Variants in PCDHA6 observed in about 807,000 individuals in gnomAD.
PCDHA6 encodes the protein protocadherin alpha 6.
In PCDHA6, 55 loss-of-function variants were observed where a neutral mutation model predicts 60.3. The ratio of observed to expected loss-of-function variants is 0.91; its 90% CI spans 0.73 to 1.14. The LOEUF is 1.14. Among genes scored for constraint, PCDHA6 ranks in the 50% most tolerant of loss-of-function variants. PCDHA6 has a pLI of 0.00. For synonymous variants in PCDHA6, 652 were observed against 557.9 expected (o/e 1.17, Z -2.38); for missense variants, 1,327 against 1,256.5 (o/e 1.06, Z -0.85).
chr5:140,961,982 C>T (rs1367678374), intron 1 of PCDHA6, among the ~76,000 whole-genome samples: 2 of 151,650 alleles, frequency 1.3e-5, no homozygotes, highest in African/African-American at 4.9e-5. Context: ...CTCCTGGGTT[C>T]ACGCCATTGT....
rs2150304405 is a variant in PCDHA6, at chr5:140,840,185, G to A, written c.2394+9700G>A. On this transcript the variant is annotated intron_variant, in intron 1 of 3. Transcript: ENST00000529310. The stretch of plus-strand genomic sequence containing the variant: ...GGGATGTATACAAATTTTAAATATG[G>A]TAGGCAAAGGAAAAGAAGTCATAAA... 1.2e-3 allele frequency among the ~76,000 whole-genome samples: 185 copies of A among 152,064 alleles called. 3 individuals carry two copies. The highest frequency in any genetic ancestry group is 4.4e-3 in the African/African-American group (182 of 41,478).
rs782257127 is a variant in PCDHA6, at chr5:140,870,719, C to G, written c.2394+40234C>G. On this transcript the variant is annotated intron_variant, in intron 1 of 3. Coordinates refer to ENST00000529310, the MANE Select transcript of PCDHA6 (RefSeq NM_018909.4). ...CAGTTCCAGGTGAGCGCGCGCGATG[C>G]GGGCGTGCCGCCTCTGAGCAGCAAC... 3.7e-6 allele frequency: 6 copies of G among 1,612,966 alleles called. No homozygotes were observed. In the African/African-American group the frequency reaches 4.0e-5, roughly 11 times the overall value.
chr5:140,977,876 G>A (rs1425308379), intron 1 of PCDHA6, among the ~76,000 whole-genome samples: 3 of 152,190 alleles, frequency 2.0e-5, no homozygotes, highest in Non-Finnish European at 2.9e-5. Flanking sequence ...TAAGTATAAT[G>A]TAGAGGAAAA....
intron 3 of PCDHA6, among the ~76,000 whole-genome samples, chr5:140,999,986 G>A (rs2097887000): frequency 6.6e-6 from 1 of 151,990 alleles, no homozygotes; most frequent in African/African-American, 2.4e-5. Context: ...GCGGCCTCTG[G>A]GTAGTGGTAT....
Position 140,853,221 on chromosome 5 carries a change from G to A in PCDHA6, c.2394+22736G>A, listed in dbSNP as rs1021063668. 12 of 983,626 alleles carry A rather than the reference G, an allele frequency of 1.2e-5. 1 individual carries two copies. The highest frequency in any genetic ancestry group is 1.5e-5 in the Non-Finnish European group (12 of 816,248). The allele number at this position is 983,626 out of a possible 1,614,324, so 60.9% of individuals were successfully genotyped here. A position where few individuals can be genotyped will look rare whatever the true frequency, so the allele number is the denominator to read the frequency against. On this transcript the variant is annotated intron_variant, in intron 1 of 3. Transcript: ENST00000529310. ...TATTGACGGCTGTATTGATGGGATT[G>A]GTAATTTAGTCCTTCATATTAATCT...
intron 1 of PCDHA6, chr5:140,927,843 CTT>C (rs1563097902): frequency 4.3e-6 from 7 of 1,614,186 alleles, no homozygotes; most frequent in African/African-American, 2.7e-5. Flanking sequence ...ACGAAGGTGT[CTT>C]TGGTTTAGCT....
At chr5:140,917,863 G>A (rs182359679) in intron 1 of PCDHA6, among the ~76,000 whole-genome samples, 1 of 151,750 alleles carries the variant, frequency 6.6e-6, no homozygotes, top group East Asian at 1.9e-4. Context: ...GGATTGCTTT[G>A]ACTATTTGGG....
chr5:140,943,742 T>C (rs1326111617), intron 1 of PCDHA6, among the ~76,000 whole-genome samples: 2 of 152,200 alleles, frequency 1.3e-5, no homozygotes, highest in Non-Finnish European at 2.9e-5. Context: ...GTCCACAGTC[T>C]AAAAGCAGTA....
chr5:140,842,292 A>C (rs2150333564), intron 1 of PCDHA6: 1 of 1,610,470 alleles, frequency 6.2e-7, no homozygotes, highest in African/African-American at 1.3e-5. Context: ...GACGCCACGG[A>C]CAAAGGCCAT....
At chr5:140,916,821 CT>C (rs1452400361) in intron 1 of PCDHA6, among the ~76,000 whole-genome samples, 3 of 152,170 alleles carry the variant, frequency 2.0e-5, no homozygotes, top group Non-Finnish European at 2.9e-5. Flanking sequence ...TGTGCCACCC[CT>C]ATCCCTCTGG....
chr5:140,867,634 A>G (rs2050082134), intron 1 of PCDHA6: 1 of 152,166 alleles, frequency 6.6e-6, no homozygotes, highest in Admixed American at 6.5e-5. Flanking sequence ...TATTTAAGCT[A>G]GAGTGATATT....
chr5:140,982,559 A>G lies in PCDHA6; in HGVS notation c.2538A>G (p.Thr846=). 1 of 1,614,170 alleles carries G rather than the reference A, an allele frequency of 6.2e-7. No homozygotes were observed. The highest frequency in any genetic ancestry group is 8.5e-7 in the Non-Finnish European group (1 of 1,180,012). Residue 846 remains threonine, a synonymous_variant, in exon 3 of 4, where the codon ACA becomes ACG. Coordinates refer to ENST00000529310, the MANE Select transcript of PCDHA6 (RefSeq NM_018909.4). The part of the protein sequence containing the change: ...DQQWPTVSSA[T]PEPEAGEVSP... ...AGTGGCCAACAGTATCCAGTGCAAC[A>G]CCAGGTAAAGAGCTGGGGTCTCTCC... is the stretch of plus-strand genomic sequence containing the variant.
chr5:140,923,924 T>C (rs968133405), intron 1 of PCDHA6, among the ~76,000 whole-genome samples: 15 of 152,220 alleles, frequency 9.9e-5, no homozygotes. Context: ...TACTGTTCTC[T>C]GTATGCATTT....
intron 1 of PCDHA6, chr5:140,881,393 A>G: frequency 1.0e-6 from 1 of 979,646 alleles, no homozygotes; most frequent in Non-Finnish European, 1.2e-6. Context: ...GGTAAGTTAA[A>G]TTCTATTAAA....
Position 140,828,067 on chromosome 5 carries a change from G to T in PCDHA6, c.-25G>T, listed in dbSNP as rs2150150517. On this transcript the variant is annotated 5_prime_UTR_variant, in exon 1 of 4. It removes an upstream start codon present in the reference 5' UTR. Transcript: ENST00000529310. ...ATCTTTATGCGGAAGATCTTCTAATGGAAATAAAACCAGAGGTATTTGACA... is the reference window on the plus strand; with the variant it reads ...ATCTTTATGCGGAAGATCTTCTAATTGAAATAAAACCAGAGGTATTTGACA... The T allele has an allele frequency of 6.4e-7, 1 of 1,560,564 alleles. No homozygotes were observed. The highest frequency in any genetic ancestry group is 2.0e-5 in the Admixed American group (1 of 50,806).
chr5:140,989,127 A>G (rs914524582), intron 3 of PCDHA6: 2 of 152,216 alleles, frequency 1.3e-5, no homozygotes, highest in Non-Finnish European at 2.9e-5. Context: ...TAGAAAAATA[A>G]GACACTTTAT....
At chr5:140,926,987 G>A (rs782407289) in intron 1 of PCDHA6, 13 of 1,610,996 alleles carry the variant, frequency 8.1e-6, no homozygotes, top group Non-Finnish European at 1.1e-5. Flanking sequence ...GAGACGGAGC[G>A]GGGCGTAGCC....
intron 1 of PCDHA6, chr5:140,883,843 C>G: frequency 6.2e-7 from 1 of 1,612,786 alleles, no homozygotes; most frequent in Non-Finnish European, 8.5e-7. Context: ...CGTTGGACCA[C>G]GAGGAGCTGG....
chr5:140,968,465 G>A lies in PCDHA6; in HGVS notation c.2395-10484G>A, dbSNP rs782606184. On this transcript the variant is annotated intron_variant, in intron 1 of 3. Coordinates refer to ENST00000529310, the MANE Select transcript of PCDHA6 (RefSeq NM_018909.4). ...ACTGAGCAGCACTGTGACTGCCAACGTATATGTGGTGGACATGAATGACCA... is the reference window on the plus strand; with the variant it reads ...ACTGAGCAGCACTGTGACTGCCAACATATATGTGGTGGACATGAATGACCA... 78 of 1,614,004 alleles carry A rather than the reference G, an allele frequency of 4.8e-5. No individual in the cohort carries two copies. Among genetic ancestry groups the A allele is most frequent in the Non-Finnish European group, 6.1e-5 (72 of 1,180,028 alleles).
Sources: gnomAD v4.1 joint callset for allele counts (sites outside exome capture counted in the v4.1 genomes callset) on GRCh38, gnomAD v4.1.1 for gene constraint, MANE v1.5 for transcripts, NCBI Gene and HGNC (gene_info 2026-07-23, HGNC 2026-07-21) for gene names.